Variants in MYO16 observed in about 807,000 individuals in gnomAD.
MYO16 encodes the protein myosin XVI.
Under a neutral mutation model 205.3 loss-of-function variants are expected in MYO16, and 94 were observed. The ratio of observed to expected loss-of-function variants is 0.46; its 90% CI spans 0.39 to 0.54. The LOEUF (loss-of-function observed/expected upper bound fraction) is 0.54, where lower values mean the gene tolerates loss of function less well. Among genes scored for constraint, MYO16 ranks in the 20% least tolerant of loss-of-function variants. MYO16 has a pLI of 0.00. For synonymous variants in MYO16, 988 were observed against 954.0 expected, an observed-to-expected ratio of 1.04 and a Z score of -0.66; for missense variants, 2,315 against 2,387.5, an observed-to-expected ratio of 0.97 and a Z score of 0.63.
chr13:108,947,237 T>C (rs1297411198), intron 16 of MYO16, among the ~76,000 whole-genome samples: 1 of 152,242 alleles, frequency 6.6e-6, no homozygotes, highest in Admixed American at 6.5e-5. Flanking sequence ...GTTGGTGCTG[T>C]GGACATGGCC....
At chr13:108,527,136 G>A in the MYO16 span, among the ~76,000 whole-genome samples, 5 of 152,240 alleles carry the variant, frequency 3.3e-5, no homozygotes, top group South Asian at 2.1e-4. Context: ...GAACAAGCAC[G>A]GCTTTCTAAG....
At chr13:109,010,116 C>T (rs1885542672) in intron 22 of MYO16, among the ~76,000 whole-genome samples, 1 of 152,148 alleles carries the variant, frequency 6.6e-6, no homozygotes, top group African/African-American at 2.4e-5. Context: ...CAGATTTTTA[C>T]CAAATACTCC....
At chr13:108,778,107 C>T (rs1354920583) in intron 4 of MYO16, among the ~76,000 whole-genome samples, 1 of 152,102 alleles carries the variant, frequency 6.6e-6, no homozygotes, top group Non-Finnish European at 1.5e-5. Context: ...ATTTACTTTC[C>T]CCAGACGATA....
At chr13:108,723,031 G>A (rs529177457) in intron 3 of MYO16, among the ~76,000 whole-genome samples, 8 of 152,038 alleles carry the variant, frequency 5.3e-5, no homozygotes, top group Non-Finnish European at 1.0e-4. Context: ...ACTCTTCAGC[G>A]ACCTCACACC....
intron 33 of MYO16, among the ~76,000 whole-genome samples, chr13:109,178,127 C>G (rs1222587695): frequency 6.6e-6 from 1 of 152,124 alleles, no homozygotes; most frequent in Non-Finnish European, 1.5e-5. Flanking sequence ...CTTGGATTGA[C>G]ACACTCCCTT....
intron 1 of MYO16, among the ~76,000 whole-genome samples, chr13:108,614,289 A>G (rs573348075): frequency 6.5e-4 from 99 of 152,236 alleles, no homozygotes; most frequent in Non-Finnish European, 1.2e-3. Flanking sequence ...TGATTTGTAC[A>G]TTTAAAACTA....
At chr13:109,090,593 G>A (rs2139689011) in intron 27 of MYO16, among the ~76,000 whole-genome samples, 1 of 152,266 alleles carries the variant, frequency 6.6e-6, no homozygotes, top group South Asian at 2.1e-4. Context: ...CTGCAGTGTG[G>A]GCGTGCGGAG....
intron 14 of MYO16, among the ~76,000 whole-genome samples, chr13:108,896,698 G>A (rs1188344733): frequency 1.3e-5 from 2 of 152,098 alleles, no homozygotes; most frequent in African/African-American, 2.4e-5. Context: ...CGCGCGTGGT[G>A]GCTCATGCCT....
At chr13:108,749,019 T>C (rs985344202) in intron 4 of MYO16, among the ~76,000 whole-genome samples, 13 of 152,186 alleles carry the variant, frequency 8.5e-5, no homozygotes, top group African/African-American at 2.9e-4. Context: ...AATACTCTTT[T>C]TTCAGTTTGG....
chr13:109,186,736 G>A (rs1434183311), intron 34 of MYO16, among the ~76,000 whole-genome samples: 1 of 152,060 alleles, frequency 6.6e-6, no homozygotes, highest in African/African-American at 2.4e-5. Context: ...CATTTCTTAA[G>A]AACATGTTTA....
chr13:109,100,743 G>T (rs199683441), intron 27 of MYO16, 42 bp from the exon 28 acceptor site: 7 of 1,489,688 alleles, frequency 4.7e-6, no homozygotes, highest in Middle Eastern at 1.7e-4. Flanking sequence ...CATGTGCTTG[G>T]CAAATGCAGT....
intron 1 of MYO16, among the ~76,000 whole-genome samples, chr13:108,620,794 A>G (rs1451416205): frequency 6.6e-6 from 1 of 152,036 alleles, no homozygotes; most frequent in African/African-American, 2.4e-5. Flanking sequence ...CAAACACACT[A>G]TCCTCTTTAT....
chr13:108,739,226 A>C (rs1054925920), intron 4 of MYO16, among the ~76,000 whole-genome samples: 4 of 152,138 alleles, frequency 2.6e-5, no homozygotes, highest in Non-Finnish European at 5.9e-5. Flanking sequence ...GTTTCTTCCT[A>C]GCATCGATGG....
At chr13:108,560,538 T>C in the MYO16 span, among the ~76,000 whole-genome samples, 3 of 152,250 alleles carry the variant, frequency 2.0e-5, no homozygotes, top group East Asian at 5.8e-4. Context: ...TGCTTTTCAA[T>C]GTACTGTCTA....
intron 6 of MYO16, among the ~76,000 whole-genome samples, chr13:108,803,322 G>A (rs1726577386): frequency 6.6e-6 from 1 of 152,154 alleles, no homozygotes; most frequent in Non-Finnish European, 1.5e-5. Context: ...TAAATATTGG[G>A]TTGAGGTACT....
chr13:109,022,168 AAT>A (rs1301529948), intron 23 of MYO16, among the ~76,000 whole-genome samples: 1 of 133,268 alleles, frequency 7.5e-6, no homozygotes, highest in Admixed American at 7.6e-5. Context: ...TATATATACA[AAT>A]ATATATTTAT....
chr13:108,743,105 A>G (rs1449302233), intron 4 of MYO16, among the ~76,000 whole-genome samples: 1 of 152,254 alleles, frequency 6.6e-6, no homozygotes, highest in Non-Finnish European at 1.5e-5. Context: ...TCAAACCATA[A>G]GAAACAAAAT....
intron 16 of MYO16, among the ~76,000 whole-genome samples, chr13:108,942,446 C>T (rs541474991): frequency 1.6e-4 from 24 of 151,996 alleles, no homozygotes; most frequent in South Asian, 6.2e-4. Context: ...GGAATGCACA[C>T]AGAGAGTTTC....
intron 32 of MYO16, among the ~76,000 whole-genome samples, chr13:109,143,405 T>G (rs894526493): frequency 2.6e-5 from 4 of 152,192 alleles, no homozygotes; most frequent in Non-Finnish European, 4.4e-5. Flanking sequence ...AAATTGTACT[T>G]CTAAATAGCA....
Sources: gnomAD v4.1 joint callset for allele counts (sites outside exome capture counted in the v4.1 genomes callset) on GRCh38, gnomAD v4.1.1 for gene constraint, MANE v1.5 for transcripts, NCBI Gene and HGNC (gene_info 2026-07-23, HGNC 2026-07-21) for gene names.